The following SNTG1 variants were observed in gnomAD, a reference collection of about 807,000 sequenced individuals.
SNTG1 encodes syntrophin gamma 1, also known as gamma-1-syntrophin.
Under a neutral mutation model 74.7 loss-of-function variants are expected in SNTG1, and 39 were observed. That is an observed-to-expected ratio of 0.52 (90% CI 0.40 to 0.68). The LOEUF is 0.68. Among genes scored for constraint, SNTG1 ranks in the 30% least tolerant of loss-of-function variants. The pLI, the probability that SNTG1 is intolerant of heterozygous loss-of-function variation, is 0.00. For missense variants in SNTG1, 685 were observed against 609.5 expected (o/e 1.12, Z -1.30); for synonymous variants, 254 against 217.1 (o/e 1.17, Z -1.49).
intron 1 of SNTG1, among the ~76,000 whole-genome samples, chr8:50,129,345 A>G (rs959927200): frequency 6.6e-6 from 1 of 152,152 alleles, no homozygotes; most frequent in Non-Finnish European, 1.5e-5. Context: ...AGGAAACCTT[A>G]GTGTCTACTG....
Position 50,502,843 on chromosome 8 carries a change from T to C in SNTG1, c.429T>C (p.Pro143=), listed in dbSNP as rs1468459152. 1 of 1,613,518 alleles carries C rather than the reference T, an allele frequency of 6.2e-7. No homozygotes were observed. The change falls in exon 9 of 19, where the codon CCT becomes CCC. Residue 143 remains proline (P), a synonymous_variant. Transcript: ENST00000642720. ...CAGTGTCATTTTTAAAAAGAGCACC[T>C]GCTTTCCTCAAACTCCCATTGAATG... ...TLTVSFLKRA[P]AFLKLPLNED...
Position 50,699,989 on chromosome 8 carries a change from C to T in SNTG1, c.1039-4611C>T, listed in dbSNP as rs187811887. Among the ~76,000 whole-genome samples the T allele has an allele frequency of 2.5e-3, 386 of 152,150 alleles. 2 individuals are homozygous for T. The highest frequency in any genetic ancestry group is 9.0e-3 in the African/African-American group (373 of 41,510). ...AGGAAGCTATATATATGGTAATCAA[C>T]TTGACAAGGATTACCTATTAATAAA... On this transcript the variant is annotated intron_variant, in intron 15 of 18. Transcript: ENST00000642720.
chr8:49,929,597 C>A (rs990879943), intron 1 of SNTG1, among the ~76,000 whole-genome samples: 2 of 152,226 alleles, frequency 1.3e-5, no homozygotes, highest in African/African-American at 4.8e-5. Context: ...CCCATCCCAG[C>A]CTGTGCTGCT....
chr8:50,671,389 G>A (rs890288749), intron 15 of SNTG1, among the ~76,000 whole-genome samples: 5 of 151,682 alleles, frequency 3.3e-5, no homozygotes, highest in Admixed American at 6.6e-5. Flanking sequence ...CGAAGGACAT[G>A]AACAGACACT....
chr8:49,914,169 A>C (rs181195549), intron 1 of SNTG1, among the ~76,000 whole-genome samples: 1 of 152,242 alleles, frequency 6.6e-6, no homozygotes, highest in Non-Finnish European at 1.5e-5. Context: ...ACAAACAAAC[A>C]AAAAGGGGGT....
intron 1 of SNTG1, among the ~76,000 whole-genome samples, chr8:50,016,866 A>G (rs986592179): frequency 6.6e-6 from 1 of 152,158 alleles, no homozygotes. Context: ...AAAAAATGCA[A>G]TGAGTTTGCA....
At chr8:50,105,160 T>G (rs935386442) in intron 1 of SNTG1, among the ~76,000 whole-genome samples, 1 of 152,140 alleles carries the variant, frequency 6.6e-6, no homozygotes, top group Non-Finnish European at 1.5e-5. Flanking sequence ...TTTATAGTTT[T>G]AAGTTTTACA....
chr8:50,231,228 A>G (rs569029324), intron 2 of SNTG1, among the ~76,000 whole-genome samples: 7 of 151,314 alleles, frequency 4.6e-5, no homozygotes, highest in Non-Finnish European at 7.4e-5. Flanking sequence ...AGAAAAGACA[A>G]AAGACAAGCA....
intron 9 of SNTG1, among the ~76,000 whole-genome samples, chr8:50,509,583 G>T (rs76776212): frequency 0.95 from 145,080 of 152,146 alleles, 69,234 homozygotes; most frequent in East Asian, 1. Context: ...GTATCCTCTT[G>T]TATTTCATTG....
intron 13 of SNTG1, among the ~76,000 whole-genome samples, chr8:50,627,144 C>A (rs943853867): frequency 2.0e-5 from 3 of 152,140 alleles, no homozygotes; most frequent in African/African-American, 7.2e-5. Flanking sequence ...GTTCCATTTC[C>A]AGGCATGACT....
intron 9 of SNTG1, among the ~76,000 whole-genome samples, chr8:50,521,013 C>G (rs1169925189): frequency 6.6e-6 from 1 of 152,086 alleles, no homozygotes; most frequent in South Asian, 2.1e-4. Flanking sequence ...CAAAGACATG[C>G]AACCAACCCA....
chr8:50,180,378 T>C (rs752215732), intron 2 of SNTG1, among the ~76,000 whole-genome samples: 2 of 152,198 alleles, frequency 1.3e-5, no homozygotes, highest in Non-Finnish European at 2.9e-5. Context: ...TAGTTCATAA[T>C]ACTGTTCTGT....
chr8:50,491,620 G>T (rs1324780538), intron 8 of SNTG1, among the ~76,000 whole-genome samples: 1 of 152,232 alleles, frequency 6.6e-6, no homozygotes, highest in Admixed American at 6.5e-5. Context: ...GTGGAAGGAC[G>T]CGGGCTGAGC....
chr8:50,713,116 C>G (rs749038920), intron 17 of SNTG1, among the ~76,000 whole-genome samples: 8 of 152,146 alleles, frequency 5.3e-5, no homozygotes, highest in African/African-American at 1.4e-4. Context: ...CACTCCCCAC[C>G]AACAGTATAA....
At chr8:49,956,150 T>C (rs1259771285) in intron 1 of SNTG1, among the ~76,000 whole-genome samples, 1 of 152,236 alleles carries the variant, frequency 6.6e-6, no homozygotes, top group African/African-American at 2.4e-5. Context: ...TGGGTTACTT[T>C]CATTTTGCAG....
At chr8:50,084,238 G>T (rs185536062) in intron 1 of SNTG1, among the ~76,000 whole-genome samples, 1 of 152,284 alleles carries the variant, frequency 6.6e-6, no homozygotes. Context: ...GAGGCAGGAA[G>T]ATCACGAGGT....
At chr8:50,133,472 C>T (rs942346959) in intron 1 of SNTG1, among the ~76,000 whole-genome samples, 22 of 152,202 alleles carry the variant, frequency 1.4e-4, no homozygotes, top group African/African-American at 5.3e-4. Context: ...GTACTAACAT[C>T]TGTATTGGCT....
intron 2 of SNTG1, among the ~76,000 whole-genome samples, chr8:50,270,700 C>G (rs1451261974): frequency 1.3e-5 from 2 of 152,114 alleles, no homozygotes; most frequent in African/African-American, 2.4e-5. Flanking sequence ...AATAACAGAT[C>G]AACATGTATT....
intron 3 of SNTG1, among the ~76,000 whole-genome samples, chr8:50,396,430 GA>G (rs1382511842): frequency 1.3e-5 from 2 of 152,176 alleles, no homozygotes; most frequent in Non-Finnish European, 2.9e-5. Flanking sequence ...ATAATGGCTA[GA>G]ATTTAGTTAA....
Sources: allele counts gnomAD v4.1 joint callset (sites outside exome capture counted in the v4.1 genomes callset), GRCh38; gene constraint gnomAD v4.1.1; transcripts MANE v1.5; gene names NCBI Gene and HGNC (gene_info 2026-07-23, HGNC 2026-07-21).